Variants in HECW1 observed in about 807,000 individuals in gnomAD.
HECW1 encodes HECT, C2 and WW domain containing E3 ubiquitin protein ligase 1.
A neutral mutation model predicts 182.3 loss-of-function variants in HECW1; 61 were observed. That is an observed-to-expected ratio of 0.33 (90% CI 0.27 to 0.41). The LOEUF (loss-of-function observed/expected upper bound fraction) is 0.41, where lower values mean the gene tolerates loss of function less well. HECW1 is among the 10% of genes least tolerant of loss of function. HECW1 has a pLI of 1.00. For synonymous variants in HECW1, 859 were observed against 832.6 expected (o/e 1.03, Z -0.55); for missense variants, 1,739 against 2,108.9 (o/e 0.82, Z 3.44).
intron 20 of HECW1, 108 bp downstream of exon 20, chr7:43,500,890 A>G (rs939538743): frequency 7.7e-6 from 7 of 904,794 alleles, no homozygotes; most frequent in African/African-American, 3.3e-5. Context: ...CGCTTGTTCT[A>G]GAGGATTCTA....
intron 8 of HECW1, 78 bp downstream of exon 8, chr7:43,407,809 C>A: frequency 7.7e-7 from 1 of 1,297,430 alleles, no homozygotes; most frequent in Non-Finnish European, 1.1e-6. Context: ...CTCCTTCCCT[C>A]CATTCATGGA....
intron 19 of HECW1, among the ~76,000 whole-genome samples, chr7:43,495,060 G>C (rs904263249): frequency 6.6e-6 from 1 of 152,118 alleles, no homozygotes; most frequent in African/African-American, 2.4e-5. Flanking sequence ...TTTCTTTGAG[G>C]GGGTGGGAAC....
intron 19 of HECW1, among the ~76,000 whole-genome samples, chr7:43,496,701 G>T (rs1015725196): frequency 6.6e-6 from 1 of 152,190 alleles, no homozygotes; most frequent in African/African-American, 2.4e-5. Flanking sequence ...TGGAGTCTCT[G>T]TCTTGGGTCT....
intron 2 of HECW1, among the ~76,000 whole-genome samples, chr7:43,151,158 G>C (rs1358785660): frequency 2.6e-5 from 4 of 152,218 alleles, no homozygotes; most frequent in Admixed American, 2.6e-4. Flanking sequence ...GTGGAGCCAA[G>C]AGGCAGAAAG....
intron 4 of HECW1, among the ~76,000 whole-genome samples, chr7:43,317,500 C>T (rs1321849171): frequency 6.6e-6 from 1 of 152,362 alleles, no homozygotes; most frequent in South Asian, 2.1e-4. Flanking sequence ...GAATTCCCTG[C>T]ATTAAATCCC....
At chr7:43,262,271 C>A (rs1801264280) in intron 3 of HECW1, among the ~76,000 whole-genome samples, 1 of 112,712 alleles carries the variant, frequency 8.9e-6, no homozygotes, top group African/African-American at 3.5e-5. Flanking sequence ...TGTGTATAAC[C>A]TAAAGAAATC....
intron 2 of HECW1, among the ~76,000 whole-genome samples, chr7:43,184,022 T>TA (rs201254518): frequency 1.0e-4 from 15 of 147,042 alleles, no homozygotes; most frequent in African/African-American, 1.8e-4. Context: ...TTATTATTAT[T>TA]TTTTTTTTTG....
rs1055021935 is a variant in HECW1 at position 43,507,036 on chromosome 7, C to T, written c.3632-101C>T. 38 of 1,425,114 alleles carry T rather than the reference C, an allele frequency of 2.7e-5. No homozygotes were observed. In the East Asian group the frequency reaches 9.4e-4, roughly 35 times the overall value. 88.3% of individuals were successfully genotyped at this position (1,425,114 alleles called of 1,614,324 possible). On this transcript the variant is annotated intron_variant, in intron 21 of 29. Coordinates refer to ENST00000395891, the MANE Select transcript of HECW1 (RefSeq NM_015052.5). ...GGTAAGCCGAGAGCACACCACTGCA[C>T]TCCAGCCTGGGCAACAGAGCGAGAC...
intron 3 of HECW1, among the ~76,000 whole-genome samples, chr7:43,306,818 T>A (rs972763557): frequency 1.3e-5 from 2 of 152,160 alleles, no homozygotes; most frequent in Admixed American, 6.6e-5. Context: ...ACATGTTCCA[T>A]CCCTAGAAGT....
At chr7:43,351,924 C>G (rs747450144) in intron 5 of HECW1, among the ~76,000 whole-genome samples, 14 of 152,082 alleles carry the variant, frequency 9.2e-5, no homozygotes, top group Non-Finnish European at 1.9e-4. Context: ...AACAGTATAT[C>G]CGTTTATTAT....
intron 3 of HECW1, among the ~76,000 whole-genome samples, chr7:43,262,339 A>G (rs2152733977): frequency 6.6e-6 from 1 of 152,284 alleles, no homozygotes; most frequent in East Asian, 1.9e-4. Context: ...ATTGAATGAT[A>G]TCTGTATATC....
Position 43,424,636 on chromosome 7 carries a change from AAAAT to A in HECW1, c.802-13351_802-13348del, listed in dbSNP as rs551987910. Among the ~76,000 whole-genome samples the A allele has an allele frequency of 1.4e-3, 220 of 152,292 alleles. 1 individual carries two copies. Among genetic ancestry groups the A allele is most frequent in the African/African-American group, 5.1e-3 (212 of 41,566 alleles). On this transcript the variant is annotated intron_variant, in intron 8 of 29. Transcript: ENST00000395891. ...AGACCTTGTCTCAAAAATAAATAAA[AAAAT>A]AAATAAATAAATAAAATAAAACAGC...
At chr7:43,123,071 A>C (rs1785804453) in intron 2 of HECW1, among the ~76,000 whole-genome samples, 1 of 152,178 alleles carries the variant, frequency 6.6e-6, no homozygotes, top group South Asian at 2.1e-4. Flanking sequence ...GAAACATCTA[A>C]TTTGAGAAGG....
At chr7:43,330,473 G>C (rs1811326602) in intron 5 of HECW1, among the ~76,000 whole-genome samples, 1 of 152,214 alleles carries the variant, frequency 6.6e-6, no homozygotes, top group African/African-American at 2.4e-5. Context: ...GATAATAAGA[G>C]GGTGCTGCTG....
intron 5 of HECW1, among the ~76,000 whole-genome samples, chr7:43,336,147 T>TCC (rs1812222707): frequency 4.7e-5 from 2 of 42,128 alleles, no homozygotes; most frequent in Non-Finnish European, 9.3e-5. Context: ...TCTCTCTTTC[T>TCC]CTCTCTCTCT....
chr7:43,122,826 TG>T (rs1785774140), intron 2 of HECW1, among the ~76,000 whole-genome samples: 1 of 152,218 alleles, frequency 6.6e-6, no homozygotes, highest in Non-Finnish European at 1.5e-5. Flanking sequence ...TACACAAATA[TG>T]TATAAAACTA....
intron 2 of HECW1, among the ~76,000 whole-genome samples, chr7:43,130,007 G>T (rs1786732980): frequency 1.3e-5 from 2 of 152,212 alleles, no homozygotes; most frequent in Admixed American, 6.5e-5. Context: ...GCAGTTGGTT[G>T]AATCTACAAA....
chr7:43,435,833 A>C (rs1291694766), intron 8 of HECW1, among the ~76,000 whole-genome samples: 2 of 152,220 alleles, frequency 1.3e-5, no homozygotes, highest in African/African-American at 4.8e-5. Flanking sequence ...AGCATGCCCA[A>C]CATATTTAAT....
At position 43,564,182 on chromosome 7, in the gene HECW1, AC is replaced by A. The variant is rs2082278200; in HGVS notation, c.*2257del. On this transcript the variant is annotated 3_prime_UTR_variant, in exon 30 of 30. Transcript: ENST00000395891. ...ATCATTGAACCATAACCTTATTCTAACTCTTGCAACAACATCTCTAATATAG... is the reference window on the plus strand; with the variant it reads ...ATCATTGAACCATAACCTTATTCTAATCTTGCAACAACATCTCTAATATAG... 1.0e-5 allele frequency: 2 copies of A among 190,854 alleles called. No individual in the cohort carries two copies. The highest frequency in any genetic ancestry group is 1.9e-3 in the Middle Eastern group (1 of 524). The allele number at this position is 190,854 out of a possible 1,614,324, so 11.8% of individuals were successfully genotyped here.
Sources: gnomAD v4.1 joint callset for allele counts (sites outside exome capture counted in the v4.1 genomes callset) on GRCh38, gnomAD v4.1.1 for gene constraint, MANE v1.5 for transcripts, NCBI Gene and HGNC (gene_info 2026-07-23, HGNC 2026-07-21) for gene names.